Variants in SLC5A2 observed in about 807,000 individuals in gnomAD.
SLC5A2 encodes solute carrier family 5 member 2, also known as sodium/glucose cotransporter 2.
SLC5A2 carries 67 observed loss-of-function variants against 69.0 expected under a neutral mutation model. The ratio of observed to expected loss-of-function variants is 0.97; its 90% CI spans 0.80 to 1.19. SLC5A2 has a LOEUF of 1.19. SLC5A2 is among the 50% of genes most tolerant of loss of function. The probability of loss-of-function intolerance (pLI) is 0.00; values close to 1 mark genes in which losing one functional copy is unlikely to be tolerated. For synonymous variants in SLC5A2, 455 were observed against 395.8 expected, an observed-to-expected ratio of 1.15 and a Z score of -1.78; for missense variants, 1,001 against 921.5, an observed-to-expected ratio of 1.09 and a Z score of -1.12.
intron 4 of SLC5A2, 27 bp downstream of exon 4, chr16:31,485,920 G>A (rs767110787): frequency 4.3e-6 from 7 of 1,612,556 alleles, no homozygotes. Context: ...GATGCGATTG[G>A]GCCCTAGAAG....
At chr16:31,487,973 G>T in intron 7 of SLC5A2, 65 bp from the exon 8 acceptor site, 1 of 1,601,028 alleles carries the variant, frequency 6.2e-7, no homozygotes, top group South Asian at 1.1e-5. Flanking sequence ...GCACAGAGCG[G>T]AACGGGGCGC....
rs1348529192 is a variant in SLC5A2 at position 31,488,403 on chromosome 16, C to A, written c.1042C>A (p.Pro348Thr). Residue 348 changes from proline (P) to threonine (T), a missense_variant, in exon 9 of 14, where the codon CCT becomes ACT. Pro to Thr is a conservative substitution (Grantham distance 38). Coordinates refer to ENST00000330498, the MANE Select transcript of SLC5A2 (RefSeq NM_003041.4). ...LYPDEVACVV[P>T]EVCRRVCGTE... is the part of the protein sequence containing the mutation. ...GGCAGACGAGGTGGCGTGCGTGGTG[C>A]CTGAGGTGTGCAGGCGCGTGTGCGG... The A allele has an allele frequency of 1.6e-5, 25 of 1,611,770 alleles. No homozygotes were observed. The highest frequency in any genetic ancestry group is 2.0e-5 in the Non-Finnish European group (24 of 1,179,778).
intron 1 of SLC5A2, 72 bp downstream of exon 1, chr16:31,483,334 C>T (rs1323997736): frequency 2.5e-6 from 4 of 1,583,668 alleles, no homozygotes; most frequent in Non-Finnish European, 3.5e-6. Context: ...TCAGGGGGAC[C>T]CTAGGTGGGA....
chr16:31,485,252 T>G, intron 3 of SLC5A2: 1 of 496,430 alleles, frequency 2.0e-6, no homozygotes, highest in Non-Finnish European at 3.7e-6. Context: ...GAAGCTGTGG[T>G]CTGTGAGGAA....
intron 1 of SLC5A2, 61 bp downstream of exon 1, chr16:31,483,323 C>G (rs2082470769): frequency 6.2e-7 from 1 of 1,602,242 alleles, no homozygotes; most frequent in African/African-American, 1.3e-5. Flanking sequence ...GGGGAAAAGT[C>G]TCAGGGGGAC....
Position 31,490,130 on chromosome 16 carries a change from G to T in SLC5A2, c.1692G>T (p.Arg564=). ...KHLHRLVFSL[R]HSKEEREDLD... is the part of the protein sequence containing the mutation. The stretch of plus-strand genomic sequence containing the variant: ...TCCACCGCCTGGTCTTCAGTCTCCG[G>T]CATAGCAAGGAGGAACGGGAGGACC... The change falls in exon 13 of 14, where the codon CGG becomes CGT. Residue 564 remains arginine, a synonymous_variant. Coordinates refer to ENST00000330498, the MANE Select transcript of SLC5A2 (RefSeq NM_003041.4). 1 of 1,614,076 alleles carries T rather than the reference G, an allele frequency of 6.2e-7. No individual in the cohort carries two copies. Among genetic ancestry groups the T allele is most frequent in the Non-Finnish European group, 8.5e-7 (1 of 1,180,024 alleles).
chr16:31,488,284 G>A (rs1205274185), intron 8 of SLC5A2, 99 bp from the exon 9 acceptor site: 1 of 1,600,206 alleles, frequency 6.2e-7, no homozygotes, highest in African/African-American at 1.3e-5. Flanking sequence ...GCCTCCCTCC[G>A]GGGGTCGCAC....
chr16:31,488,135 T>G lies in SLC5A2; in HGVS notation c.983T>G (p.Met328Arg), dbSNP rs1223864150. The change falls in exon 8 of 14, where the codon ATG becomes AGG. Residue 328 changes from methionine to arginine, a missense_variant. Met to Arg is a moderately conservative substitution (Grantham distance 91). Coordinates refer to ENST00000330498, the MANE Select transcript of SLC5A2 (RefSeq NM_003041.4). Reference protein sequence around the residue: ...GYLKLTPMFLMVMPGMISRIL... With the variant: ...GYLKLTPMFLRVMPGMISRIL... ...CTGAAGCTGACGCCCATGTTTCTCATGGTCATGCCAGGCATGATCAGCCGC... is the reference window on the plus strand; with the variant it reads ...CTGAAGCTGACGCCCATGTTTCTCAGGGTCATGCCAGGCATGATCAGCCGC... 2.4e-5 allele frequency: 38 copies of G among 1,613,962 alleles called. No homozygotes were observed. The highest frequency in any genetic ancestry group is 3.1e-5 in the Non-Finnish European group (37 of 1,179,980).
rs1410660284 is a variant in SLC5A2, at chr16:31,489,240, G to A, written c.1567G>A (p.Gly523Ser). Residue 523 changes from glycine (G) to serine (S), a missense_variant, in exon 12 of 14, where the codon GGC (glycine) becomes AGC (serine). Gly to Ser is a moderately conservative substitution (Grantham distance 56). Transcript: ENST00000330498. ...CTCGGCGTGCCCAGCTTTCCTCTGC[G>A]GCGTGCACTACCTCTACTTCGCCAT... ...QPSACPAFLC[G>S]VHYLYFAIVL... 1.9e-6 allele frequency: 3 copies of A among 1,610,292 alleles called. No individual in the cohort carries two copies. Among genetic ancestry groups the A allele is most frequent in the African/African-American group, 1.3e-5 (1 of 74,906 alleles).
In SLC5A2 at chr16:31,489,301, C is replaced by T. The variant is rs899364123; in HGVS notation, c.1628C>T (p.Thr543Met). ...TTCTGCTCTGGCCTCCTCACCCTCA[C>T]GGTCTCCCTGTGCACCGCGCCCATC... ...LFFCSGLLTL[T>M]VSLCTAPIPR... The change falls in exon 12 of 14, where the codon ACG (threonine) becomes ATG (methionine). Residue 543 changes from threonine to methionine, a missense_variant. Transcript: ENST00000330498. 5 of 1,610,336 alleles carry T rather than the reference C, an allele frequency of 3.1e-6. No homozygotes were observed. The Admixed American group carries it at 5.0e-5, about 16-fold the overall frequency.
chr16:31,486,298 G>T (rs1376720623), intron 5 of SLC5A2, 23 bp downstream of exon 5: 1 of 1,574,750 alleles, frequency 6.4e-7, no homozygotes, highest in Non-Finnish European at 8.7e-7. Context: ...GCTTAGGAAA[G>T]GGAGTGGGCC....
Position 31,489,192 on chromosome 16 carries a change from G to C in SLC5A2, c.1519G>C (p.Gly507Arg), listed in dbSNP as rs372027584. 6.2e-7 allele frequency: 1 copy of C among 1,610,252 alleles called. No homozygotes were observed. Among genetic ancestry groups the C allele is most frequent in the Non-Finnish European group, 8.5e-7 (1 of 1,180,006 alleles). Reference protein sequence around the residue: ...LARLIPEFSFGSGSCVQPSAC... With the variant: ...LARLIPEFSFRSGSCVQPSAC... ...ACGCCTGATTCCCGAGTTCTCCTTC[G>C]GCTCGGGCAGCTGTGTGCAGCCCTC... The change falls in exon 12 of 14, where the codon GGC (glycine) becomes CGC (arginine). Residue 507 changes from glycine (G) to arginine (R), a missense_variant. By Grantham distance (125) the Gly-to-Arg change is moderately radical. Transcript: ENST00000330498.
intron 1 of SLC5A2, among the ~76,000 whole-genome samples, 171 bp downstream of exon 1, chr16:31,483,433 T>C (rs892814198): frequency 3.3e-5 from 5 of 152,186 alleles, no homozygotes; most frequent in African/African-American, 7.2e-5. Flanking sequence ...CCAACATTCC[T>C]CCCTTGTCTT....
At chr16:31,487,973 G>C in intron 7 of SLC5A2, 65 bp from the exon 8 acceptor site, 1 of 1,601,028 alleles carries the variant, frequency 6.2e-7, no homozygotes, top group Admixed American at 1.7e-5. Flanking sequence ...GCACAGAGCG[G>C]AACGGGGCGC....
rs1024136213 is a variant in SLC5A2, at chr16:31,487,824, C to T, written c.885+65C>T. The T allele has an allele frequency of 3.3e-6, 5 of 1,495,252 alleles. No individual in the cohort carries two copies. In the African/African-American group the frequency reaches 5.5e-5, roughly 17 times the overall value. 92.6% of individuals were successfully genotyped at this position (1,495,252 alleles called of 1,614,324 possible). A position where few individuals can be genotyped will look rare whatever the true frequency, so the allele number is the denominator to read the frequency against. ...GAGCCGAGACGGGCGGAGCCTGAGT[C>T]CCTCCCCGCCTTCCCCACAACGGTC... On this transcript the variant is annotated intron_variant, in intron 7 of 13. Coordinates refer to ENST00000330498, the MANE Select transcript of SLC5A2 (RefSeq NM_003041.4).
Position 31,488,445 on chromosome 16 carries a change from T to A in SLC5A2, c.1084T>A (p.Ser362Thr). 6.2e-7 allele frequency: 1 copy of A among 1,611,386 alleles called. No individual in the cohort carries two copies. Among genetic ancestry groups the A allele is most frequent in the East Asian group, 2.2e-5 (1 of 44,798 alleles). ...RRVCGTEVGCSNIAYPRLVVK... is the reference protein window; with the variant it reads ...RRVCGTEVGCTNIAYPRLVVK... ...CGTGTGCGGCACGGAGGTGGGCTGC[T>A]CCAACATCGCCTACCCGCGGCTCGT... Residue 362 changes from serine (S) to threonine (T), a missense_variant, in exon 9 of 14, where the codon TCC becomes ACC. Coordinates refer to ENST00000330498, the MANE Select transcript of SLC5A2 (RefSeq NM_003041.4).
At chr16:31,484,599 G>A in intron 1 of SLC5A2, 74 bp from the exon 2 acceptor site, 1 of 1,459,726 alleles carries the variant, frequency 6.9e-7, no homozygotes, top group Non-Finnish European at 9.5e-7. Flanking sequence ...ACAAGGCTGA[G>A]GAATGTGTTG....
Position 31,489,055 on chromosome 16 carries a change from G to A in SLC5A2, c.1449+7G>A, listed in dbSNP as rs376512787. Reference sequence around the variant, plus strand: ...GCCGCGCGTTAATGAGCAGGTGAGCGGCACGCGCGTGGTGACGGCAGGGCT... The same window carrying A: ...GCCGCGCGTTAATGAGCAGGTGAGCAGCACGCGCGTGGTGACGGCAGGGCT... On this transcript the variant is annotated splice_region_variant and intron_variant, in intron 11 of 13. Coordinates refer to ENST00000330498, the MANE Select transcript of SLC5A2 (RefSeq NM_003041.4). 7.8e-5 allele frequency: 125 copies of A among 1,601,348 alleles called. 1 individual carries two copies. The highest frequency in any genetic ancestry group is 1.6e-4 in the Middle Eastern group (1 of 6,064).
At chr16:31,485,242 G>C (rs1253658812) in intron 3 of SLC5A2, 1 of 511,284 alleles carries the variant, frequency 2.0e-6, no homozygotes, top group African/African-American at 1.9e-5. Context: ...GATGCGCTCC[G>C]AAGCTGTGGT....
Sources: allele counts gnomAD v4.1 joint callset (sites outside exome capture counted in the v4.1 genomes callset), GRCh38; gene constraint gnomAD v4.1.1; transcripts MANE v1.5; gene names NCBI Gene and HGNC (gene_info 2026-07-23, HGNC 2026-07-21).